ZNF385D: variants seen among roughly 807,000 people sequenced by gnomAD.
ZNF385D encodes zinc finger protein 659.
ZNF385D carries 15 observed loss-of-function variants against 35.8 expected under a neutral mutation model. The ratio of observed to expected loss-of-function variants is 0.42; its 90% CI spans 0.28 to 0.64. The LOEUF (loss-of-function observed/expected upper bound fraction) is 0.64. Ranked by LOEUF, ZNF385D falls within the 30% of genes least tolerant of loss-of-function variation. The pLI is 0.23. For synonymous variants in ZNF385D, 212 were observed against 186.8 expected (o/e 1.13, Z -1.10); for missense variants, 474 against 494.6 (o/e 0.96, Z 0.39).
At chr3:22,371,573 A>G (rs1696906668) in intron 2 of ZNF385D, among the ~76,000 whole-genome samples, 1 of 152,234 alleles carries the variant, frequency 6.6e-6, no homozygotes, top group African/African-American at 2.4e-5. Flanking sequence ...TAAGGGGGAC[A>G]GATCTGGAAT....
intron 3 of ZNF385D, among the ~76,000 whole-genome samples, chr3:22,114,665 T>C (rs1702718587): frequency 6.6e-6 from 1 of 152,124 alleles, no homozygotes; most frequent in African/African-American, 2.4e-5. Flanking sequence ...CTCAGAGTTC[T>C]CCCAGGTCAG....
intron 2 of ZNF385D, among the ~76,000 whole-genome samples, chr3:21,602,755 G>A (rs572147811): frequency 6.7e-5 from 10 of 150,360 alleles, no homozygotes; most frequent in Admixed American, 1.3e-4. Flanking sequence ...GGATGGTCTC[G>A]ATCTCCTAAC....
chr3:22,364,765 G>A (rs1050368701), intron 2 of ZNF385D, among the ~76,000 whole-genome samples: 3 of 152,188 alleles, frequency 2.0e-5, no homozygotes, highest in Non-Finnish European at 4.4e-5. Context: ...TGAAAGTAGA[G>A]TCTTAAGGGA....
chr3:21,639,440 CA>C (rs35180689), intron 2 of ZNF385D, among the ~76,000 whole-genome samples: 29,107 of 151,912 alleles, frequency 0.19, 2,967 homozygotes, highest in Middle Eastern at 0.22. Flanking sequence ...TAATTTTTAA[CA>C]AAATTGGAAA....
chr3:21,640,358 A>T (rs1460348666), intron 2 of ZNF385D, among the ~76,000 whole-genome samples: 3 of 152,120 alleles, frequency 2.0e-5, no homozygotes, highest in African/African-American at 7.2e-5. Context: ...GTCTATCGCC[A>T]AATAATGGAA....
chr3:21,618,810 C>T (rs1214060513), intron 2 of ZNF385D, among the ~76,000 whole-genome samples: 1 of 152,166 alleles, frequency 6.6e-6, no homozygotes, highest in Non-Finnish European at 1.5e-5. Flanking sequence ...CCAAACTTAA[C>T]TGCAAACTTG....
At chr3:21,598,051 T>C (rs1427222031) in intron 2 of ZNF385D, among the ~76,000 whole-genome samples, 2 of 152,214 alleles carry the variant, frequency 1.3e-5, no homozygotes, top group Non-Finnish European at 2.9e-5. Context: ...AGGAAACTAC[T>C]ACTTTATAGA....
chr3:21,672,214 G>A (rs1312034475), intron 1 of ZNF385D, among the ~76,000 whole-genome samples: 2 of 152,050 alleles, frequency 1.3e-5, no homozygotes, highest in Non-Finnish European at 2.9e-5. Context: ...TTTGAATTTA[G>A]TATGATTTGG....
intron 3 of ZNF385D, among the ~76,000 whole-genome samples, chr3:22,070,445 G>T (rs1700175477): frequency 6.6e-6 from 1 of 152,080 alleles, no homozygotes; most frequent in African/African-American, 2.4e-5. Flanking sequence ...ATTGCTAATT[G>T]TTTCTGTTGT....
At chr3:21,519,194 A>C (rs914627261) in intron 3 of ZNF385D, among the ~76,000 whole-genome samples, 24 of 152,286 alleles carry the variant, frequency 1.6e-4, no homozygotes, top group African/African-American at 5.8e-4. Flanking sequence ...AGTGGGGAAA[A>C]GAAACATTCT....
chr3:22,045,750 T>C (rs897311396), intron 3 of ZNF385D, among the ~76,000 whole-genome samples: 1 of 152,082 alleles, frequency 6.6e-6, no homozygotes, highest in Admixed American at 6.6e-5. Context: ...TTCAGATTTC[T>C]GACCATTCTC....
chr3:22,057,285 TA>T (rs1699454969), intron 3 of ZNF385D, among the ~76,000 whole-genome samples: 1 of 152,184 alleles, frequency 6.6e-6, no homozygotes, highest in Non-Finnish European at 1.5e-5. Context: ...CCATACCTCA[TA>T]GGTTATAAGC....
At chr3:21,493,716 T>C (rs1705606831) in intron 4 of ZNF385D, among the ~76,000 whole-genome samples, 2 of 152,024 alleles carry the variant, frequency 1.3e-5, no homozygotes, top group Admixed American at 1.3e-4. Flanking sequence ...CTCCCATCTC[T>C]GCTCCCAAAG....
chr3:21,787,944 C>G lies in ZNF385D; in HGVS notation c.326-122916G>C, dbSNP rs796312264. 9.3e-5 allele frequency among the ~76,000 whole-genome samples: 7 copies of G among 75,380 alleles called. No homozygotes were observed. In the South Asian group the frequency reaches 4.1e-3, roughly 44 times the overall value. 49.5% of individuals were successfully genotyped at this position (75,380 alleles called of 152,430 possible). ...GCGACAGAGCGAGACTTCGTCTCAA[C>G]AAAAAAAAAAAAAAAAAAAAAAAAA... On this transcript the variant is annotated intron_variant, in intron 3 of 5. Transcript: ENST00000494108.
At chr3:22,211,738 G>C (rs939533431) in intron 2 of ZNF385D, among the ~76,000 whole-genome samples, 1 of 151,946 alleles carries the variant, frequency 6.6e-6, no homozygotes, top group South Asian at 2.1e-4. Flanking sequence ...GAGAGGGCAA[G>C]AACAGTCCTG....
At chr3:21,696,797 A>C (rs2067487424) in intron 1 of ZNF385D, among the ~76,000 whole-genome samples, 1 of 152,202 alleles carries the variant, frequency 6.6e-6, no homozygotes, top group Admixed American at 6.5e-5. Flanking sequence ...ACCTCCCCAT[A>C]AATCAGTAGA....
intron 3 of ZNF385D, among the ~76,000 whole-genome samples, chr3:21,954,932 G>A (rs751641595): frequency 2.6e-5 from 4 of 152,058 alleles, no homozygotes; most frequent in Non-Finnish European, 5.9e-5. Context: ...CTAGCCCCAA[G>A]CAAGCAGCCT....
At position 22,369,579 on chromosome 3, in the gene ZNF385D, A is replaced by T. The variant is rs550420335; in HGVS notation, c.106+2871T>A. Among the ~76,000 whole-genome samples the T allele has an allele frequency of 2.0e-5, 3 of 152,244 alleles. No homozygotes were observed. In the East Asian group the frequency reaches 5.8e-4, roughly 29 times the overall value. ...AATGAAACATAGTAAATTATCGTTAATTTCCCCAAGATTTTCTATTTTCCA... is the reference window on the plus strand; with the variant it reads ...AATGAAACATAGTAAATTATCGTTATTTTCCCCAAGATTTTCTATTTTCCA... On this transcript the variant is annotated intron_variant, in intron 2 of 5. Transcript: ENST00000494108.
In ZNF385D at chr3:22,001,336, T is replaced by C. The variant is rs1009140545; in HGVS notation, c.325+167481A>G. ...ATGGAAACCAAAAACAAGCAGGAGA[T>C]ACTAGTATCAGATAAAACAAACTTT... On this transcript the variant is annotated intron_variant, in intron 3 of 5. Transcript: ENST00000494108. 1.0e-4 allele frequency among the ~76,000 whole-genome samples: 15 copies of C among 148,620 alleles called. No individual in the cohort carries two copies. The East Asian group carries it at 2.0e-3, about 20-fold the overall frequency.
Sources: gnomAD v4.1 joint callset for allele counts (sites outside exome capture counted in the v4.1 genomes callset) on GRCh38, gnomAD v4.1.1 for gene constraint, MANE v1.5 for transcripts, NCBI Gene and HGNC (gene_info 2026-07-23, HGNC 2026-07-21) for gene names.